Variants in FGF14 observed in about 807,000 individuals in gnomAD.
FGF14 encodes fibroblast growth factor homologous factor 4.
Under a neutral mutation model 25.5 loss-of-function variants are expected in FGF14, and 5 were observed. That is an observed-to-expected ratio of 0.20 (90% confidence interval 0.10 to 0.41). The LOEUF is 0.41. Among genes scored for constraint, FGF14 ranks in the 10% least tolerant of loss-of-function variants. The pLI, the probability that FGF14 is intolerant of heterozygous loss-of-function variation, is 1.00. For missense variants in FGF14, 222 were observed against 320.1 expected, an observed-to-expected ratio of 0.69 and a Z score of 2.34; for synonymous variants, 138 against 118.3, an observed-to-expected ratio of 1.17 and a Z score of -1.08.
rs966082976 is a variant in FGF14, at chr13:101,710,858, A to G, written c.*11973T>C. The G allele has an allele frequency of 6.6e-6, 1 of 152,228 alleles. No homozygotes were observed. The highest frequency in any genetic ancestry group is 1.5e-5 in the Non-Finnish European group (1 of 68,030). 9.4% of individuals were successfully genotyped at this position (152,228 alleles called of 1,614,324 possible). A position where few individuals can be genotyped will look rare whatever the true frequency, so the allele number is the denominator to read the frequency against. ...TACAAATTTATAGCCAAGACAATAA[A>G]TCACTCCATAGAAAAATTTAAAACA... On this transcript the variant is annotated 3_prime_UTR_variant, in exon 5 of 5. Coordinates refer to ENST00000376143, the MANE Select transcript of FGF14 (RefSeq NM_004115.4).
intron 1 of FGF14, among the ~76,000 whole-genome samples, chr13:102,118,630 C>T (rs1214398298): frequency 6.6e-6 from 1 of 152,022 alleles, no homozygotes; most frequent in African/African-American, 2.4e-5. Flanking sequence ...GGGACTCCCA[C>T]TTTGCAAGTT....
At position 101,892,621 on chromosome 13, in the gene FGF14, A is replaced by G. The variant is rs181171864; in HGVS notation, c.194-17325T>C. Among the ~76,000 whole-genome samples, 451 of 152,302 alleles carry G rather than the reference A, an allele frequency of 3.0e-3. 1 individual carries two copies. Among genetic ancestry groups the G allele is most frequent in the African/African-American group, 0.01 (433 of 41,564 alleles). On this transcript the variant is annotated intron_variant, in intron 1 of 4. Transcript: ENST00000376143. ...AGAGAACAAGGAGGTAGTTTGTCCC[A>G]TATTCATCCTAAAATCTCCAGGAAC...
intron 1 of FGF14, among the ~76,000 whole-genome samples, chr13:102,069,831 G>A (rs546892712): frequency 6.6e-6 from 1 of 152,290 alleles, no homozygotes; most frequent in South Asian, 2.1e-4. Flanking sequence ...ACCAATTCCA[G>A]ACACAACGGC....
chr13:102,200,323 A>G (rs977572549), intron 1 of FGF14, among the ~76,000 whole-genome samples: 4 of 152,238 alleles, frequency 2.6e-5, no homozygotes, highest in Non-Finnish European at 5.9e-5. Flanking sequence ...AAAGAGGTAA[A>G]CAATCATTAC....
chr13:102,059,013 C>T (rs925719010), intron 1 of FGF14, among the ~76,000 whole-genome samples: 7 of 151,764 alleles, frequency 4.6e-5, no homozygotes, highest in Non-Finnish European at 1.0e-4. Flanking sequence ...ATAGCTCCAT[C>T]TCATCAAATC....
At position 102,225,932 on chromosome 13, in the gene FGF14, C is replaced by T. The variant is rs149941016; in HGVS notation, c.208+175539G>A. On this transcript the variant is annotated intron_variant, in intron 1 of 4. Transcript: ENST00000376131. ...ATAGTCCCTGAGCTGAGGTCGTGGC[C>T]GCATATTTATTCATTGTTTCAATTT... Among the ~76,000 whole-genome samples, 538 of 152,220 alleles carry T rather than the reference C, an allele frequency of 3.5e-3. 2 individuals carry two copies. Among genetic ancestry groups the T allele is most frequent in the African/African-American group, 0.012 (500 of 41,520 alleles).
intron 1 of FGF14, among the ~76,000 whole-genome samples, chr13:102,171,980 T>G (rs200715281): frequency 2.3e-5 from 1 of 44,112 alleles, no homozygotes; most frequent in African/African-American, 1.6e-4. Flanking sequence ...ATGTATTTAT[T>G]TATTTATTTA....
At chr13:101,784,909 C>G (rs2140049885) in intron 3 of FGF14, among the ~76,000 whole-genome samples, 1 of 152,280 alleles carries the variant, frequency 6.6e-6, no homozygotes, top group Non-Finnish European at 1.5e-5. Flanking sequence ...GCTAAGGTGG[C>G]TTTAACAATA....
chr13:101,981,690 AGGGT>A (rs2139614750), intron 1 of FGF14, among the ~76,000 whole-genome samples: 1 of 152,274 alleles, frequency 6.6e-6, no homozygotes, highest in South Asian at 2.1e-4. Context: ...AAATTATACT[AGGGT>A]GGGAAGAAGG....
chr13:102,081,928 T>C (rs548508020), intron 1 of FGF14, among the ~76,000 whole-genome samples: 1 of 152,276 alleles, frequency 6.6e-6, no homozygotes, highest in Admixed American at 6.5e-5. Context: ...ATCATACCAA[T>C]ACAGCAATAT....
chr13:102,248,879 CTT>C (rs1469945561), intron 1 of FGF14, among the ~76,000 whole-genome samples: 1 of 152,122 alleles, frequency 6.6e-6, no homozygotes, highest in African/African-American at 2.4e-5. Flanking sequence ...ATGATTGAGA[CTT>C]GATGTCTGAT....
chr13:102,079,911 T>C lies in FGF14; in HGVS notation c.209-204615A>G, dbSNP rs115638942. Reference sequence around the variant, plus strand: ...GAAACACAGATATCTGGGAGAAAAGTAGTCTGCAAGCAGGATCAATAAGTG... The same window carrying C: ...GAAACACAGATATCTGGGAGAAAAGCAGTCTGCAAGCAGGATCAATAAGTG... On this transcript the variant is annotated intron_variant, in intron 1 of 4. Coordinates refer to the FGF14 transcript ENST00000376131. 3.3e-3 allele frequency among the ~76,000 whole-genome samples: 508 copies of C among 152,204 alleles called. 4 individuals carry two copies. Among genetic ancestry groups the C allele is most frequent in the African/African-American group, 0.012 (481 of 41,532 alleles).
rs566390231 is a variant in FGF14, at chr13:102,139,381, TAG to T, written c.208+262088_208+262089del. 3.7e-3 allele frequency among the ~76,000 whole-genome samples: 568 copies of T among 151,674 alleles called. 5 individuals carry two copies. Among genetic ancestry groups the T allele is most frequent in the African/African-American group, 0.012 (498 of 41,316 alleles). On this transcript the variant is annotated intron_variant, in intron 1 of 4. Coordinates refer to the FGF14 transcript ENST00000376131. ...TGCTACTGCACTCCAGCCTGGGTGG[TAG>T]AGTGAGACCCTATCTCAAGAAAGAA...
intron 1 of FGF14, among the ~76,000 whole-genome samples, chr13:102,245,196 C>T (rs1175266942): frequency 1.3e-5 from 2 of 152,012 alleles, no homozygotes; most frequent in Non-Finnish European, 2.9e-5. Context: ...TATACAAAGA[C>T]AAGGTACACA....
chr13:102,090,464 A>AT (rs35180129), intron 1 of FGF14, among the ~76,000 whole-genome samples: 59,171 of 152,006 alleles, frequency 0.39, 13,528 homozygotes, highest in Non-Finnish European at 0.51. Context: ...TGAAGATGAT[A>AT]TTACTACCTG....
At chr13:101,923,099 C>T (rs1357538332) in intron 1 of FGF14, among the ~76,000 whole-genome samples, 1 of 151,904 alleles carries the variant, frequency 6.6e-6, no homozygotes, top group East Asian at 1.9e-4. Flanking sequence ...GATTATAATA[C>T]GCATATGAAT....
At chr13:102,253,083 G>A (rs1161159239) in intron 1 of FGF14, among the ~76,000 whole-genome samples, 1 of 152,102 alleles carries the variant, frequency 6.6e-6, no homozygotes, top group African/African-American at 2.4e-5. Flanking sequence ...TGGGCATTTG[G>A]GTTGGTTCCA....
chr13:101,962,522 C>G (rs2036926261), intron 1 of FGF14, among the ~76,000 whole-genome samples: 1 of 151,672 alleles, frequency 6.6e-6, no homozygotes, highest in Non-Finnish European at 1.5e-5. Context: ...GTGATCAAAA[C>G]CAAAGGCACT....
chr13:102,084,043 T>TC (rs2043769897), intron 1 of FGF14, among the ~76,000 whole-genome samples: 1 of 152,274 alleles, frequency 6.6e-6, no homozygotes, highest in Non-Finnish European at 1.5e-5. Context: ...CCTTTTTTTT[T>TC]CTCATAAATT....
Sources: allele counts gnomAD v4.1 joint callset (sites outside exome capture counted in the v4.1 genomes callset), GRCh38; gene constraint gnomAD v4.1.1; transcripts MANE v1.5; gene names NCBI Gene and HGNC (gene_info 2026-07-23, HGNC 2026-07-21).